The following LRRC69 variants were observed in gnomAD, a reference collection of about 807,000 sequenced individuals.
The protein encoded by LRRC69 is leucine-rich repeat-containing protein 69.
Under a neutral mutation model 37.8 loss-of-function variants are expected in LRRC69, and 42 were observed. The observed-to-expected ratio is 1.11, with a 90% CI of 0.87 to 1.44. The LOEUF (loss-of-function observed/expected upper bound fraction) is 1.44, where lower values mean the gene tolerates loss of function less well. Ranked by LOEUF, LRRC69 falls within the 40% of genes most tolerant of loss-of-function variation. The pLI, the probability that LRRC69 is intolerant of heterozygous loss-of-function variation, is 0.00. For synonymous variants in LRRC69, 141 were observed against 143.1 expected (o/e 0.99, Z 0.11); for missense variants, 357 against 401.9 (o/e 0.89, Z 0.96).
Position 91,158,895 on chromosome 8 carries a change from G to C in LRRC69, c.651+23156G>C, listed in dbSNP as rs1454222930. 25 of 599,924 alleles carry C rather than the reference G, an allele frequency of 4.2e-5. No homozygotes were observed. In the Middle Eastern group the frequency reaches 1.8e-3, roughly 44 times the overall value. 37.2% of individuals were successfully genotyped at this position (599,924 alleles called of 1,614,324 possible). ...TGGAAACATACAACTTTGTGCATTT[G>C]TGGGGGAAAACTATTAATTTTTTGC... On this transcript the variant is annotated intron_variant, in intron 5 of 7. Coordinates refer to ENST00000448384, the Ensembl canonical transcript of LRRC69.
intron 5 of LRRC69, among the ~76,000 whole-genome samples, chr8:91,182,801 G>A (rs1809344838): frequency 6.6e-6 from 1 of 152,208 alleles, no homozygotes; most frequent in African/African-American, 2.4e-5. Flanking sequence ...TTGCTGAGCT[G>A]TAGCGTGTAG....
At chr8:91,156,042 A>T (rs1808829136) in intron 5 of LRRC69, among the ~76,000 whole-genome samples, 2 of 149,362 alleles carry the variant, frequency 1.3e-5, no homozygotes, top group South Asian at 4.2e-4. Context: ...TGTTTCTTTG[A>T]TATACTGATT....
At chr8:91,125,662 T>G (rs1813702777) in intron 2 of LRRC69, among the ~76,000 whole-genome samples, 1 of 151,748 alleles carries the variant, frequency 6.6e-6, no homozygotes, top group Non-Finnish European at 1.5e-5. Context: ...CAAATTTAAG[T>G]GCAACCTGAT....
At chr8:91,143,467 T>A (rs1467258260) in intron 5 of LRRC69, among the ~76,000 whole-genome samples, 1 of 152,084 alleles carries the variant, frequency 6.6e-6, no homozygotes, top group Non-Finnish European at 1.5e-5. Flanking sequence ...CAGTTTCAAA[T>A]TCATGATTTA....
chr8:91,208,165 C>T (rs935387433), intron 7 of LRRC69, among the ~76,000 whole-genome samples: 21 of 152,144 alleles, frequency 1.4e-4, no homozygotes, highest in Non-Finnish European at 2.8e-4. Context: ...TTCGGAGATA[C>T]TGGGGTTTAA....
At position 91,188,464 on chromosome 8, in the gene LRRC69, A is replaced by G. The variant is rs1253285329; in HGVS notation, c.652-1058A>G. Among the ~76,000 whole-genome samples, 7 of 152,188 alleles carry G rather than the reference A, an allele frequency of 4.6e-5. 1 individual carries two copies. The highest frequency in any genetic ancestry group is 1.5e-5 in the Non-Finnish European group (1 of 68,036). ...AACTCTGTGTTCAGTGACTTGAATC[A>G]GCTATAGCAGGAGGATTTACACTGT... On this transcript the variant is annotated intron_variant, in intron 5 of 7. Transcript: ENST00000448384.
chr8:91,147,922 A>G (rs1808652271), intron 5 of LRRC69, among the ~76,000 whole-genome samples: 1 of 151,494 alleles, frequency 6.6e-6, no homozygotes, highest in African/African-American at 2.4e-5. Context: ...ATGTATTCTC[A>G]TTGTTCAGCT....
chr8:91,196,214 G>A (rs965239092), intron 6 of LRRC69, among the ~76,000 whole-genome samples: 1 of 151,924 alleles, frequency 6.6e-6, no homozygotes, highest in Non-Finnish European at 1.5e-5. Context: ...CGAGAGATCT[G>A]CTGTTAGTCT....
At chr8:91,190,674 T>C (rs754727715) in intron 6 of LRRC69, among the ~76,000 whole-genome samples, 3 of 152,216 alleles carry the variant, frequency 2.0e-5, no homozygotes, top group Non-Finnish European at 2.9e-5. Context: ...GTATTCTGTA[T>C]ATGATGATAT....
Position 91,151,694 on chromosome 8 carries a change from G to A in LRRC69, c.651+15955G>A, listed in dbSNP as rs1005676314. Reference sequence around the variant, plus strand: ...ATTGCTGGGTCAAATGGTATTTCTGGTTCTAGATCATTGAGGAATCACCAC... The same window carrying A: ...ATTGCTGGGTCAAATGGTATTTCTGATTCTAGATCATTGAGGAATCACCAC... On this transcript the variant is annotated intron_variant, in intron 5 of 7. Coordinates refer to ENST00000448384, the Ensembl canonical transcript of LRRC69. Among the ~76,000 whole-genome samples, 6 of 151,570 alleles carry A rather than the reference G, an allele frequency of 4.0e-5. No individual in the cohort carries two copies. The East Asian group carries it at 1.2e-3, about 30-fold the overall frequency.
intron 5 of LRRC69, among the ~76,000 whole-genome samples, chr8:91,136,747 A>C (rs1488810159): frequency 1.3e-5 from 2 of 151,962 alleles, no homozygotes; most frequent in African/African-American, 4.8e-5. Flanking sequence ...CCACATATCT[A>C]CTATATATCT....
At chr8:91,127,794 G>A (rs895521822) in intron 3 of LRRC69, among the ~76,000 whole-genome samples, 2 of 151,834 alleles carry the variant, frequency 1.3e-5, no homozygotes, top group African/African-American at 4.8e-5. Context: ...TTTATTGCCT[G>A]TTGAGCAGAA....
At chr8:91,142,339 AC>A (rs1324795802) in intron 5 of LRRC69, among the ~76,000 whole-genome samples, 3 of 152,236 alleles carry the variant, frequency 2.0e-5, no homozygotes, top group East Asian at 3.9e-4. Context: ...CTATCTAACA[AC>A]CTGTACTATT....
chr8:91,125,252 A>G (rs951584689), intron 2 of LRRC69, among the ~76,000 whole-genome samples: 4 of 151,896 alleles, frequency 2.6e-5, no homozygotes, highest in Admixed American at 6.6e-5. Flanking sequence ...GTTGGTCCTT[A>G]GTAGTAAAAT....
intron 1 of LRRC69, chr8:91,118,407 G>C: frequency 3.0e-6 from 1 of 330,778 alleles, no homozygotes; most frequent in Non-Finnish European, 5.6e-6. Flanking sequence ...CAGGCGTGGT[G>C]GCACATACCT....
intron 7 of LRRC69, among the ~76,000 whole-genome samples, chr8:91,212,999 A>G (rs1214548845): frequency 6.6e-6 from 1 of 152,176 alleles, no homozygotes; most frequent in East Asian, 1.9e-4. Context: ...AAACTGCTGG[A>G]TACAGTCACA....
At chr8:91,131,483 A>G (rs1221668811) in intron 3 of LRRC69, among the ~76,000 whole-genome samples, 1 of 151,950 alleles carries the variant, frequency 6.6e-6, no homozygotes, top group Non-Finnish European at 1.5e-5. Context: ...TTGCTTTTCT[A>G]TACCTGAATA....
In LRRC69 at chr8:91,124,635, A is replaced by G. The variant is rs1284426575; in HGVS notation, c.310+16A>G. ...GGAGCCTGTGGTAATTTAATCAACA[A>G]GGAACAACATTATAGCATCAAATTT... On this transcript the variant is annotated intron_variant, in intron 2 of 7. Coordinates refer to ENST00000448384, the Ensembl canonical transcript of LRRC69. 9.2e-6 allele frequency: 14 copies of G among 1,521,374 alleles called. No homozygotes were observed. Among genetic ancestry groups the G allele is most frequent in the Admixed American group, 2.3e-5 (1 of 42,754 alleles). 94.2% of individuals were successfully genotyped at this position (1,521,374 alleles called of 1,614,324 possible). A position where few individuals can be genotyped will look rare whatever the true frequency, so the allele number is the denominator to read the frequency against.
At chr8:91,192,114 C>T (rs1188128809) in intron 6 of LRRC69, among the ~76,000 whole-genome samples, 20 of 150,710 alleles carry the variant, frequency 1.3e-4, no homozygotes, top group African/African-American at 3.9e-4. Flanking sequence ...TTTGTTCTTG[C>T]GATAGTTTAC....
Sources: gnomAD v4.1 joint callset for allele counts (sites outside exome capture counted in the v4.1 genomes callset) on GRCh38, gnomAD v4.1.1 for gene constraint, MANE v1.5 for transcripts, NCBI Gene and HGNC (gene_info 2026-07-23, HGNC 2026-07-21) for gene names.